The following MED10 variants were observed in gnomAD, a reference collection of about 807,000 sequenced individuals.
MED10 encodes mediator of RNA polymerase II transcription subunit 10.
MED10 carries 9 observed loss-of-function variants against 17.2 expected under a neutral mutation model. The ratio of observed to expected loss-of-function variants is 0.52; its 90% CI spans 0.31 to 0.91. The LOEUF is 0.91. MED10 is among the 40% of genes least tolerant of loss of function. The probability of loss-of-function intolerance (pLI) is 0.04; values close to 1 mark genes in which losing one functional copy is unlikely to be tolerated. For missense variants in MED10, 129 were observed against 164.8 expected, an observed-to-expected ratio of 0.78 and a Z score of 1.19; for synonymous variants, 66 against 59.8, an observed-to-expected ratio of 1.10 and a Z score of -0.48.
chr5:6,371,969 C>T lies in MED10; in HGVS notation c.*534G>A, dbSNP rs1737896990. 1 of 152,274 alleles carries T rather than the reference C, an allele frequency of 6.6e-6. No homozygotes were observed. Among genetic ancestry groups the T allele is most frequent in the South Asian group, 2.1e-4 (1 of 4,820 alleles). 9.4% of individuals were successfully genotyped at this position (152,274 alleles called of 1,614,324 possible). ...TATTATAGGCATGTCTAATTGAAAT[C>T]CATGAAAACAGTTACATTTAAAACA... On this transcript the variant is annotated 3_prime_UTR_variant, in exon 4 of 4. Coordinates refer to ENST00000255764, the MANE Select transcript of MED10 (RefSeq NM_032286.3).
At chr5:6,374,270 C>G (rs1737948301) in intron 3 of MED10, 54 bp downstream of exon 3, 3 of 1,238,610 alleles carry the variant, frequency 2.4e-6, no homozygotes, top group Admixed American at 3.4e-5. Flanking sequence ...TAACCAAATT[C>G]CACTGAGAAG....
intron 2 of MED10, among the ~76,000 whole-genome samples, chr5:6,375,738 G>A (rs982688845): frequency 6.6e-6 from 1 of 152,156 alleles, no homozygotes; most frequent in Non-Finnish European, 1.5e-5. Flanking sequence ...AAATGTACAC[G>A]CTGCAAAGGC....
At chr5:6,375,441 G>A (rs1737971534) in intron 2 of MED10, among the ~76,000 whole-genome samples, 1 of 152,132 alleles carries the variant, frequency 6.6e-6, no homozygotes. Flanking sequence ...AACATCACAA[G>A]TTCTAGAAAT....
intron 1 of MED10, 22 bp downstream of exon 1, chr5:6,378,340 G>A (rs1183045221): frequency 1.3e-6 from 2 of 1,582,030 alleles, no homozygotes; most frequent in Admixed American, 1.8e-5. Context: ...GGAGACCCCG[G>A]CAGCCTCGGG....
At chr5:6,377,369 G>C (rs544424188) in intron 1 of MED10, 120 bp from the exon 2 acceptor site, 2 of 605,032 alleles carry the variant, frequency 3.3e-6, no homozygotes, top group South Asian at 4.6e-5. Context: ...ACAGCTATGC[G>C]GGTTACACAC....
In MED10 at chr5:6,372,022, A is replaced by T. The variant is rs1281526607; in HGVS notation, c.*481T>A. ...CTTTATGCACTATACTTGAAAATGT[A>T]AAATATAATACCACTTAAGTACTTC... is the stretch of plus-strand genomic sequence containing the variant. On this transcript the variant is annotated 3_prime_UTR_variant, in exon 4 of 4. Transcript: ENST00000255764. 6.5e-6 allele frequency: 1 copy of T among 153,082 alleles called. No individual in the cohort carries two copies. The highest frequency in any genetic ancestry group is 1.5e-5 in the Non-Finnish European group (1 of 68,670). The allele number at this position is 153,082 out of a possible 1,614,324, so 9.5% of individuals were successfully genotyped here. A position where few individuals can be genotyped will look rare whatever the true frequency, so the allele number is the denominator to read the frequency against.
rs761573399 is a variant in MED10 at position 6,372,522 on chromosome 5, T to TC, written c.388dup (p.Glu130GlyfsTer37). The TC allele has an allele frequency of 6.8e-6, 11 of 1,613,834 alleles. No homozygotes were observed. In the South Asian group the frequency reaches 1.1e-4, roughly 16 times the overall value. On this transcript the variant is annotated frameshift_variant, in exon 4 of 4. Transcript: ENST00000255764. LOFTEE classifies it high-confidence loss of function. ...AGCTGGTTAAGAAGGCGGGTGATCCTCCCCCCGGATGCTTCGATACTTAGC... is the reference window on the plus strand; with the variant it reads ...AGCTGGTTAAGAAGGCGGGTGATCCTCCCCCCCGGATGCTTCGATACTTAGC...
chr5:6,373,464 G>A (rs1050906342), intron 3 of MED10, among the ~76,000 whole-genome samples: 73 of 152,192 alleles, frequency 4.8e-4, no homozygotes, highest in African/African-American at 1.7e-3. Flanking sequence ...TTTAGAAAAG[G>A]CTGGTCCCAA....
chr5:6,373,782 A>C (rs1228159492), intron 3 of MED10, among the ~76,000 whole-genome samples: 1 of 152,232 alleles, frequency 6.6e-6, no homozygotes, highest in Non-Finnish European at 1.5e-5. Context: ...TTTGAACTAC[A>C]TTTGAGTCAA....
chr5:6,374,515 G>A (rs1737953671), intron 2 of MED10, 89 bp from the exon 3 acceptor site: 3 of 950,388 alleles, frequency 3.2e-6, no homozygotes, highest in Admixed American at 1.7e-5. Context: ...TAAAGGTTAG[G>A]TATATATAAC....
At chr5:6,374,243 G>GA in intron 3 of MED10, 81 bp downstream of exon 3, 2 of 911,166 alleles carry the variant, frequency 2.2e-6, no homozygotes, top group Non-Finnish European at 3.7e-6. Context: ...AGCAAGTATG[G>GA]AAAAAAATGA....
rs72651079 is a variant in MED10, at chr5:6,371,972, T to C, written c.*531A>G. 2.6e-5 allele frequency: 4 copies of C among 152,508 alleles called. No individual in the cohort carries two copies. The highest frequency in any genetic ancestry group is 1.9e-4 in the East Asian group (1 of 5,186). 9.4% of individuals were successfully genotyped at this position (152,508 alleles called of 1,614,324 possible). ...TATAGGCATGTCTAATTGAAATCCATGAAAACAGTTACATTTAAAACATTC... is the reference window on the plus strand; with the variant it reads ...TATAGGCATGTCTAATTGAAATCCACGAAAACAGTTACATTTAAAACATTC... On this transcript the variant is annotated 3_prime_UTR_variant, in exon 4 of 4. Coordinates refer to ENST00000255764, the MANE Select transcript of MED10 (RefSeq NM_032286.3).
rs373760528 is a variant in MED10 at position 6,373,123 on chromosome 5, G to C, written c.310-522C>G. Among the ~76,000 whole-genome samples, 4 of 152,220 alleles carry C rather than the reference G, an allele frequency of 2.6e-5. No homozygotes were observed. The East Asian group carries it at 7.7e-4, about 29-fold the overall frequency. ...AACTATGACAAAACACCACTTCTGA[G>C]GTGTGCTGTTTACCACCAGGAGGGG... On this transcript the variant is annotated intron_variant, in intron 3 of 3. Coordinates refer to ENST00000255764, the MANE Select transcript of MED10 (RefSeq NM_032286.3).
At position 6,377,268 on chromosome 5, in the gene MED10, C is replaced by T. The variant is rs760363209; in HGVS notation, c.123-19G>A. The T allele has an allele frequency of 8.8e-6, 14 of 1,588,024 alleles. No homozygotes were observed. In the South Asian group the frequency reaches 1.6e-4, roughly 18 times the overall value. ...AAAATTCCTGGGGGAAAGGCAAACACACAGGCATCTGGTTAATTTCGCTTG... is the reference window on the plus strand; with the variant it reads ...AAAATTCCTGGGGGAAAGGCAAACATACAGGCATCTGGTTAATTTCGCTTG... On this transcript the variant is annotated intron_variant, in intron 1 of 3. Transcript: ENST00000255764.
At position 6,377,174 on chromosome 5, in the gene MED10, T is replaced by C. The variant is rs1343372922; in HGVS notation, c.198A>G (p.Glu66=). 1 of 1,605,446 alleles carries C rather than the reference T, an allele frequency of 6.2e-7. No homozygotes were observed. The highest frequency in any genetic ancestry group is 8.5e-7 in the Non-Finnish European group (1 of 1,174,434). The part of the protein sequence containing the change: ...QQLHDITVPL[E]VFEYIDQGRN... The stretch of plus-strand genomic sequence containing the variant: ...TCAAGAATGTTACTTACTCAAAAAC[T>C]TCTAACGGTACAGTAATATCATGAA... The change falls in exon 2 of 4, where the codon GAA becomes GAG. Residue 66 remains glutamate (E), a synonymous_variant. Coordinates refer to ENST00000255764, the MANE Select transcript of MED10 (RefSeq NM_032286.3).
intron 1 of MED10, among the ~76,000 whole-genome samples, 190 bp from the exon 2 acceptor site, chr5:6,377,439 C>A (rs892549848): frequency 6.6e-6 from 1 of 152,164 alleles, no homozygotes. Flanking sequence ...TTACAAAATA[C>A]CCTTAAATAT....
chr5:6,377,818 C>G (rs1264915821), intron 1 of MED10, among the ~76,000 whole-genome samples: 1 of 152,248 alleles, frequency 6.6e-6, no homozygotes, highest in Non-Finnish European at 1.5e-5. Flanking sequence ...GCAACATGGG[C>G]AGCACAAGGC....
chr5:6,376,784 A>T (rs1738000145), intron 2 of MED10: 1 of 154,404 alleles, frequency 6.5e-6, no homozygotes, highest in African/African-American at 2.4e-5. Context: ...TTAAAAATTT[A>T]CAATATAGCC....
chr5:6,377,210 G>C lies in MED10; in HGVS notation c.162C>G (p.Cys54Trp). 6.2e-7 allele frequency: 1 copy of C among 1,609,804 alleles called. No individual in the cohort carries two copies. The highest frequency in any genetic ancestry group is 1.1e-5 in the South Asian group (1 of 89,770). The change falls in exon 2 of 4, where the codon TGC (cysteine) becomes TGG (tryptophan). Residue 54 changes from cysteine (C) to tryptophan (W), a missense_variant. This residue lies in a region of MED10 where 100 missense variants were observed against 121.0 expected (regional missense o/e 0.83). Coordinates refer to ENST00000255764, the MANE Select transcript of MED10 (RefSeq NM_032286.3). ...CAGTAATATCATGAAGCTGCTGTCT[G>C]CACTTGTCAATATCCTGTAAGCCAG... Reference protein sequence around the residue: ...IVTGLQDIDKCRQQLHDITVP... With the variant: ...IVTGLQDIDKWRQQLHDITVP...
Sources: gnomAD v4.1 joint callset for allele counts (sites outside exome capture counted in the v4.1 genomes callset) on GRCh38, gnomAD v4.1.1 for gene constraint, gnomAD v4.1.1 regional missense constraint, MANE v1.5 for transcripts, NCBI Gene and HGNC (gene_info 2026-07-23, HGNC 2026-07-21) for gene names.